The following MAP7D2 variants were observed in gnomAD, a reference collection of about 807,000 sequenced individuals.
MAP7D2 encodes the protein MAP7 domain-containing protein 2.
In MAP7D2, 33 loss-of-function variants were observed where a neutral mutation model predicts 63.5. The observed-to-expected ratio is 0.52, with a 90% CI of 0.39 to 0.70. The LOEUF is 0.70. Ranked by LOEUF, MAP7D2 falls within the 30% of genes least tolerant of loss-of-function variation. MAP7D2 has a pLI of 0.00. For synonymous variants in MAP7D2, 224 were observed against 223.7 expected, an observed-to-expected ratio of 1.00 and a Z score of -0.01; for missense variants, 626 against 604.0, an observed-to-expected ratio of 1.04 and a Z score of -0.38.
intron 3 of MAP7D2, among the ~76,000 whole-genome samples, chrX:20,059,318 C>T (rs1483232486): frequency 8.9e-6 from 1 of 111,887 alleles, no homozygotes; most frequent in African/African-American, 3.2e-5. Context: ...TGAGAATCTG[C>T]ATTTCTAACA....
rs747252840 is a variant in MAP7D2 at position 20,013,578 on chromosome X, T to A, written c.1797A>T (p.Pro599=). ...MKRTRKSDVS[P]QVKKEDPKVG... ...TCATTTGAATTCCTACCTTCACTTG[T>A]GGAGACACATCACTTTTCCTTGTTC... Residue 599 remains proline (P), a synonymous_variant, in exon 13 of 17, where the codon CCA becomes CCT. Coordinates refer to ENST00000379643, the MANE Select transcript of MAP7D2 (RefSeq NM_001168465.2). The A allele has an allele frequency of 8.4e-7, 1 of 1,197,153 alleles. No homozygotes were observed. Among genetic ancestry groups the A allele is most frequent in the African/African-American group, 1.7e-5 (1 of 57,468 alleles).
At chrX:20,051,560 CA>C (rs1281531054) in intron 5 of MAP7D2, among the ~76,000 whole-genome samples, 10 of 97,756 alleles carry the variant, frequency 1.0e-4, no homozygotes, top group South Asian at 4.6e-4. Context: ...AAAAAACAAA[CA>C]AAAAAAAAAC....
intron 3 of MAP7D2, among the ~76,000 whole-genome samples, chrX:20,058,027 C>CA (rs2065108333): frequency 8.9e-6 from 1 of 112,657 alleles, no homozygotes; most frequent in Admixed American, 9.4e-5. Flanking sequence ...TAAGAGACTG[C>CA]CTCTCCAGGG....
At chrX:20,048,247 G>A (rs1444782524) in intron 6 of MAP7D2, among the ~76,000 whole-genome samples, 1 of 112,070 alleles carries the variant, frequency 8.9e-6, no homozygotes, top group African/African-American at 3.2e-5. Context: ...TGGAATTTGG[G>A]TATGTGCTGG....
rs560280959 is a variant in MAP7D2, at chrX:20,034,372, G to C, written c.1007+8130C>G. Among the ~76,000 whole-genome samples, 270 of 110,531 alleles carry C rather than the reference G, an allele frequency of 2.4e-3. 1 individual carries two copies. Among genetic ancestry groups the C allele is most frequent in the African/African-American group, 8.4e-3 (255 of 30,356 alleles). The stretch of plus-strand genomic sequence containing the variant: ...AACAAAGGGCAAAGTCCTTGAGCAG[G>C]TTTGGTCTCAACATTTTCCCTATCT... On this transcript the variant is annotated intron_variant, in intron 8 of 16. Transcript: ENST00000379643.
chrX:20,029,727 C>T (rs764978854), intron 8 of MAP7D2, among the ~76,000 whole-genome samples: 3 of 111,212 alleles, frequency 2.7e-5, no homozygotes, highest in Non-Finnish European at 5.7e-5. Context: ...TTAGAAAACA[C>T]ACACACTTGT....
chrX:20,112,866 A>G (rs1365663381), intron 1 of MAP7D2, among the ~76,000 whole-genome samples: 1 of 111,974 alleles, frequency 8.9e-6, no homozygotes, highest in East Asian at 2.8e-4. Flanking sequence ...CGCCTGCCCA[A>G]ATCAACCTTG....
chrX:20,068,321 C>T (rs987982280), intron 1 of MAP7D2, among the ~76,000 whole-genome samples: 1 of 112,200 alleles, frequency 8.9e-6, no homozygotes, highest in Non-Finnish European at 1.9e-5. Flanking sequence ...CCTGGCAGCT[C>T]CCTCCTGTGA....
At chrX:20,100,607 G>A (rs1161836841) in intron 1 of MAP7D2, among the ~76,000 whole-genome samples, 30 of 99,981 alleles carry the variant, frequency 3.0e-4, no homozygotes, top group Middle Eastern at 4.3e-3. Context: ...AACAGTGGAA[G>A]TAGAGCTGGG....
chrX:20,015,928 T>C (rs1206615199), intron 11 of MAP7D2, among the ~76,000 whole-genome samples, 166 bp downstream of exon 11: 1 of 112,182 alleles, frequency 8.9e-6, no homozygotes, highest in Non-Finnish European at 1.9e-5. Context: ...ATGGCAAACA[T>C]TACCAACTTC....
intron 1 of MAP7D2, among the ~76,000 whole-genome samples, chrX:20,097,852 C>G (rs1192737143): frequency 1.8e-5 from 2 of 110,942 alleles, no homozygotes; most frequent in East Asian, 5.7e-4. Context: ...AAAACTGACC[C>G]CAGCTCTCAG....
intron 1 of MAP7D2, among the ~76,000 whole-genome samples, chrX:20,069,880 C>T: frequency 9.2e-6 from 1 of 108,544 alleles, no homozygotes; most frequent in East Asian, 2.9e-4. Flanking sequence ...CCCAAGCAAT[C>T]CTCTCACCTC....
chrX:20,054,533 C>T lies in MAP7D2; in HGVS notation c.485-1545G>A, dbSNP rs189681065. On this transcript the variant is annotated intron_variant, in intron 4 of 16. Coordinates refer to ENST00000379643, the MANE Select transcript of MAP7D2 (RefSeq NM_001168465.2). ...GTACTGCACTCATTTCACCCTGGCCCGGGCCCTGGGTGCTGATTCCCAGTG... is the reference window on the plus strand; with the variant it reads ...GTACTGCACTCATTTCACCCTGGCCTGGGCCCTGGGTGCTGATTCCCAGTG... Among the ~76,000 whole-genome samples, 74 of 111,063 alleles carry T rather than the reference C, an allele frequency of 6.7e-4. 1 individual carries two copies. In the Admixed American group the frequency reaches 7.1e-3, roughly 11 times the overall value.
At chrX:20,098,595 A>G (rs1178167152) in intron 1 of MAP7D2, among the ~76,000 whole-genome samples, 7 of 111,067 alleles carry the variant, frequency 6.3e-5, no homozygotes, top group Admixed American at 4.8e-4. Flanking sequence ...ACATGTTTCT[A>G]TCAACATAAA....
At chrX:20,092,381 C>T (rs899204786) in intron 1 of MAP7D2, among the ~76,000 whole-genome samples, 4 of 111,330 alleles carry the variant, frequency 3.6e-5, no homozygotes, top group Non-Finnish European at 3.8e-5. Context: ...CAAAGCAGGA[C>T]GAAGTTGAAG....
Position 20,007,324 on chromosome X carries a change from G to T in MAP7D2, c.*1101C>A, listed in dbSNP as rs1293836596. 1 of 112,094 alleles carries T rather than the reference G, an allele frequency of 8.9e-6. No homozygotes were observed. Among genetic ancestry groups the T allele is most frequent in the Non-Finnish European group, 1.9e-5 (1 of 53,212 alleles). The allele number at this position is 112,094 out of a possible 1,213,427, so 9.2% of individuals were successfully genotyped here. A position where few individuals can be genotyped will look rare whatever the true frequency, so the allele number is the denominator to read the frequency against. The stretch of plus-strand genomic sequence containing the variant: ...AACAAAAAGTTTCAAAGAAGAAAAG[G>T]TCATTTTAATTTGAAAGCCACATTT... On this transcript the variant is annotated 3_prime_UTR_variant, in exon 17 of 17. Transcript: ENST00000379643.
chrX:20,095,157 A>T (rs747508842), intron 1 of MAP7D2, among the ~76,000 whole-genome samples: 2 of 111,523 alleles, frequency 1.8e-5, no homozygotes, highest in East Asian at 5.6e-4. Flanking sequence ...TGTACACTTT[A>T]CAAGAATGAA....
At chrX:20,091,682 T>C (rs1420632232) in intron 1 of MAP7D2, among the ~76,000 whole-genome samples, 2 of 111,696 alleles carry the variant, frequency 1.8e-5, no homozygotes, top group Non-Finnish European at 3.8e-5. Context: ...TGTGCTTCTC[T>C]CTGACCTCGC....
chrX:20,105,376 G>A (rs936107338), intron 1 of MAP7D2, among the ~76,000 whole-genome samples: 1 of 111,308 alleles, frequency 9.0e-6, no homozygotes, highest in Admixed American at 9.6e-5. Context: ...GGTGAAGACA[G>A]ACCAACTGCT....
Sources: gnomAD v4.1 joint callset for allele counts (sites outside exome capture counted in the v4.1 genomes callset) on GRCh38, gnomAD v4.1.1 for gene constraint, MANE v1.5 for transcripts, NCBI Gene and HGNC (gene_info 2026-07-23, HGNC 2026-07-21) for gene names.